Variants in FRMPD4 observed in about 807,000 individuals in gnomAD.
FRMPD4 encodes the protein FERM and PDZ domain containing 4.
FRMPD4 carries 22 observed loss-of-function variants against 94.1 expected under a neutral mutation model. The ratio of observed to expected loss-of-function variants is 0.23; its 90% CI spans 0.17 to 0.33. The LOEUF is 0.33. Among genes scored for constraint, FRMPD4 ranks in the 10% least tolerant of loss-of-function variants. FRMPD4 has a pLI of 1.00. For missense variants in FRMPD4, 1,111 were observed against 1,339.9 expected (o/e 0.83, Z 2.67); for synonymous variants, 631 against 548.6 (o/e 1.15, Z -2.10).
chrX:12,476,591 C>G (rs1395445666), intron 1 of FRMPD4, among the ~76,000 whole-genome samples: 1 of 111,562 alleles, frequency 9.0e-6, no homozygotes, highest in Non-Finnish European at 1.9e-5. Flanking sequence ...TATCCAGAAT[C>G]TACAATGAAC....
At chrX:12,405,806 C>T in intron 1 of FRMPD4, among the ~76,000 whole-genome samples, 1 of 111,268 alleles carries the variant, frequency 9.0e-6, no homozygotes, top group East Asian at 2.8e-4. Flanking sequence ...AACTAAGGAA[C>T]AACTCAGGGA....
intron 4 of FRMPD4, among the ~76,000 whole-genome samples, chrX:12,632,953 G>A (rs748068597): frequency 8.9e-6 from 1 of 112,046 alleles, no homozygotes; most frequent in East Asian, 2.8e-4. Flanking sequence ...CACTTGAACC[G>A]AATTTTTTCT....
intron 9 of FRMPD4, among the ~76,000 whole-genome samples, chrX:12,700,510 T>C: frequency 8.9e-6 from 1 of 111,981 alleles, no homozygotes; most frequent in Middle Eastern, 4.6e-3. Context: ...TGCAGCACTT[T>C]ACACTTGATG....
intron 3 of FRMPD4, among the ~76,000 whole-genome samples, chrX:12,089,052 T>C (rs1325372584): frequency 8.9e-6 from 1 of 112,499 alleles, no homozygotes; most frequent in African/African-American, 3.2e-5. Context: ...TATATATAAA[T>C]GCTATGTGCC....
chrX:12,259,676 G>T (rs1008352260), intron 1 of FRMPD4, among the ~76,000 whole-genome samples: 1 of 111,499 alleles, frequency 9.0e-6, no homozygotes, highest in African/African-American at 3.3e-5. Flanking sequence ...ATCCTCCGTT[G>T]GTCAGAACTC....
At chrX:12,534,643 G>C (rs1224021141) in intron 2 of FRMPD4, among the ~76,000 whole-genome samples, 2 of 112,607 alleles carry the variant, frequency 1.8e-5, no homozygotes, top group Non-Finnish European at 3.8e-5. Context: ...TCATTTTGGG[G>C]CTTTAAGATT....
intron 2 of FRMPD4, among the ~76,000 whole-genome samples, chrX:12,526,888 T>G (rs942147895): frequency 8.9e-6 from 1 of 112,258 alleles, no homozygotes; most frequent in African/African-American, 3.2e-5. Context: ...CAGGTGGTGC[T>G]TGTTAAATTC....
Position 11,984,100 on chromosome X carries a change from C to G in FRMPD4, c.95+106082C>G, listed in dbSNP as rs180945469. 2.1e-3 allele frequency among the ~76,000 whole-genome samples: 239 copies of G among 112,227 alleles called. 1 individual carries two copies. The highest frequency in any genetic ancestry group is 4.6e-3 in the Middle Eastern group (1 of 219). The stretch of plus-strand genomic sequence containing the variant: ...TAATGATTTCCTATCAAAACTCTCC[C>G]AAAATTGCCTTTGTTTGATGAGAAG... On this transcript the variant is annotated intron_variant, in intron 3 of 18. Coordinates refer to the FRMPD4 transcript ENST00000640291.
intron 4 of FRMPD4, among the ~76,000 whole-genome samples, chrX:12,629,051 T>G (rs183411419): frequency 1.8e-5 from 2 of 111,808 alleles, no homozygotes; most frequent in East Asian, 5.6e-4. Flanking sequence ...AAGAAATGTA[T>G]GGGGGAAACT....
intron 10 of FRMPD4, among the ~76,000 whole-genome samples, chrX:12,702,461 C>T (rs1353636931): frequency 8.9e-6 from 1 of 111,961 alleles, no homozygotes; most frequent in Non-Finnish European, 1.9e-5. Flanking sequence ...CCCCGTTGTG[C>T]TATAGATTGT....
intron 2 of FRMPD4, among the ~76,000 whole-genome samples, chrX:12,556,687 A>C (rs2058598641): frequency 8.9e-6 from 1 of 112,030 alleles, no homozygotes; most frequent in Non-Finnish European, 1.9e-5. Flanking sequence ...CAGCAATAGA[A>C]GACTATTACA....
At chrX:12,356,357 A>G (rs1569244033) in intron 1 of FRMPD4, among the ~76,000 whole-genome samples, 1 of 112,379 alleles carries the variant, frequency 8.9e-6, no homozygotes, top group Non-Finnish European at 1.9e-5. Context: ...GGCATTAGGG[A>G]AAGATTCTTG....
At position 12,699,203 on chromosome X, in the gene FRMPD4, C is replaced by T. The variant is rs766710175; in HGVS notation, c.934-2671C>T. Reference sequence around the variant, plus strand: ...CTCAACCCCTTGGAGCTCATGTGGACAACCCTGAGCACTTGGAAATAACTG... The same window carrying T: ...CTCAACCCCTTGGAGCTCATGTGGATAACCCTGAGCACTTGGAAATAACTG... On this transcript the variant is annotated intron_variant, in intron 9 of 16. Transcript: ENST00000675598. 5.4e-5 allele frequency among the ~76,000 whole-genome samples: 6 copies of T among 111,856 alleles called. No individual in the cohort carries two copies. In the South Asian group the frequency reaches 2.3e-3, roughly 43 times the overall value.
chrX:12,654,439 AG>A (rs1184566804), intron 4 of FRMPD4, among the ~76,000 whole-genome samples: 1 of 112,045 alleles, frequency 8.9e-6, no homozygotes, highest in Non-Finnish European at 1.9e-5. Context: ...TCAGCAAAAA[AG>A]GGGAAGAAGG....
chrX:12,181,274 G>C (rs1432510439), intron 1 of FRMPD4, among the ~76,000 whole-genome samples: 1 of 111,796 alleles, frequency 8.9e-6, no homozygotes, highest in African/African-American at 3.3e-5. Context: ...AATAATTCTA[G>C]ATATTAGAAA....
intron 1 of FRMPD4, among the ~76,000 whole-genome samples, chrX:12,291,891 T>C (rs926772057): frequency 3.6e-5 from 4 of 112,242 alleles, no homozygotes; most frequent in Admixed American, 9.5e-5. Flanking sequence ...ACCACATTAC[T>C]GTAAGAGTTA....
chrX:12,100,556 G>T (rs2055247218), intron 3 of FRMPD4, among the ~76,000 whole-genome samples: 2 of 111,264 alleles, frequency 1.8e-5, no homozygotes, highest in East Asian at 5.6e-4. Context: ...GTAGCTGACT[G>T]TTGAAACAGG....
chrX:12,395,282 G>A (rs762630824), intron 1 of FRMPD4, among the ~76,000 whole-genome samples: 51 of 112,191 alleles, frequency 4.5e-4, no homozygotes, highest in East Asian at 5.6e-4. Flanking sequence ...TTCCAACAGG[G>A]CTGCCTTAGC....
chrX:11,894,335 C>A (rs2053890923), intron 3 of FRMPD4, among the ~76,000 whole-genome samples: 1 of 112,549 alleles, frequency 8.9e-6, no homozygotes, highest in Non-Finnish European at 1.9e-5. Flanking sequence ...AATTAAATAA[C>A]TTTCCCAAGA....
Sources: allele counts gnomAD v4.1 joint callset (sites outside exome capture counted in the v4.1 genomes callset), GRCh38; gene constraint gnomAD v4.1.1; transcripts MANE v1.5; gene names NCBI Gene and HGNC (gene_info 2026-07-23, HGNC 2026-07-21).